Variants in RNF214 observed in about 807,000 individuals in gnomAD.
The protein encoded by RNF214 is ring finger protein 214.
In RNF214, 25 loss-of-function variants were observed where a neutral mutation model predicts 75.9. The ratio of observed to expected loss-of-function variants is 0.33; its 90% CI spans 0.24 to 0.46. RNF214 has a LOEUF of 0.46. Ranked by LOEUF, RNF214 falls within the 20% of genes least tolerant of loss-of-function variation. RNF214 has a pLI of 1.00. For synonymous variants in RNF214, 314 were observed against 308.8 expected, an observed-to-expected ratio of 1.02 and a Z score of -0.18; for missense variants, 725 against 857.5, an observed-to-expected ratio of 0.85 and a Z score of 1.93.
intron 6 of RNF214, among the ~76,000 whole-genome samples, chr11:117,250,609 A>ATTAT (rs202067736): frequency 6.3e-5 from 4 of 63,174 alleles, no homozygotes; most frequent in African/African-American, 2.0e-4. Flanking sequence ...TTATTTATTT[A>ATTAT]TTTTTTTTTT....
chr11:117,237,118 C>T (rs1378092523), intron 2 of RNF214, among the ~76,000 whole-genome samples: 2 of 152,228 alleles, frequency 1.3e-5, no homozygotes, highest in Non-Finnish European at 2.9e-5. Flanking sequence ...CTCCATCTGT[C>T]ATCCAGGCTG....
chr11:117,262,988 A>T (rs2033703467), intron 6 of RNF214, among the ~76,000 whole-genome samples: 1 of 151,452 alleles, frequency 6.6e-6, no homozygotes, highest in African/African-American at 2.4e-5. Flanking sequence ...TGTATTTTTC[A>T]TAGAGACGGA....
At chr11:117,266,553 G>T (rs1282917521) in intron 6 of RNF214, among the ~76,000 whole-genome samples, 1 of 151,930 alleles carries the variant, frequency 6.6e-6, no homozygotes, top group African/African-American at 2.4e-5. Flanking sequence ...AGAGACAGGG[G>T]TTTGCCATGT....
chr11:117,281,455 A>G (rs1237517905), intron 9 of RNF214, 51 bp downstream of exon 9: 3 of 1,483,860 alleles, frequency 2.0e-6, no homozygotes, highest in Non-Finnish European at 1.9e-6. Context: ...TGTGCTTAAC[A>G]CTTCCAGCAA....
intron 3 of RNF214, 111 bp downstream of exon 3, chr11:117,239,222 GT>G (rs1297568919): frequency 5.6e-5 from 65 of 1,157,136 alleles, no homozygotes; most frequent in Non-Finnish European, 6.7e-5. Context: ...TTTGTTTTTT[GT>G]TTTTTTTGCT....
At position 117,279,952 on chromosome 11, in the gene RNF214, G is replaced by A; in HGVS notation, c.1004G>A (p.Gly335Asp). 1 of 1,613,642 alleles carries A rather than the reference G, an allele frequency of 6.2e-7. No homozygotes were observed. Among genetic ancestry groups the A allele is most frequent in the Non-Finnish European group, 8.5e-7 (1 of 1,179,860 alleles). ...CTGGATAGACTCAAGAATCAGGATGGCGAAATAAATAGGAACATTATGGAA... is the reference window on the plus strand; with the variant it reads ...CTGGATAGACTCAAGAATCAGGATGACGAAATAAATAGGAACATTATGGAA... The part of the protein sequence containing the change: ...MELDRLKNQD[G>D]EINRNIMEET... Residue 335 changes from glycine (G) to aspartate (D), a missense_variant, in exon 7 of 15, where the codon GGC becomes GAC. Coordinates refer to ENST00000300650, the MANE Select transcript of RNF214 (RefSeq NM_207343.4).
intron 6 of RNF214, among the ~76,000 whole-genome samples, chr11:117,262,160 C>T (rs1403917253): frequency 2.0e-5 from 3 of 151,450 alleles, no homozygotes; most frequent in Non-Finnish European, 4.4e-5. Context: ...AGCTCTGCCT[C>T]CCTGCAAGCT....
At chr11:117,248,578 A>G (rs2033290522) in intron 6 of RNF214, among the ~76,000 whole-genome samples, 1 of 152,234 alleles carries the variant, frequency 6.6e-6, no homozygotes, top group African/African-American at 2.4e-5. Flanking sequence ...GAAGCTCAAC[A>G]TGAGGAATTG....
intron 2 of RNF214, among the ~76,000 whole-genome samples, chr11:117,236,225 T>G (rs1451511613): frequency 6.6e-6 from 1 of 152,032 alleles, no homozygotes; most frequent in Non-Finnish European, 1.5e-5. Context: ...CCTCCCAAAG[T>G]GCTGGAATTA....
chr11:117,282,256 C>T lies in RNF214; in HGVS notation c.1698C>T (p.Phe566=). 1.9e-6 allele frequency: 3 copies of T among 1,594,906 alleles called. No individual in the cohort carries two copies. Among genetic ancestry groups the T allele is most frequent in the Non-Finnish European group, 2.6e-6 (3 of 1,169,892 alleles). ...TCCTGGAGAAGCTGCTGACCCGGTT[C>T]CCACAGTGCAATAAGTAAGTACCTT... ...EKILEKLLTR[F]PQCNKAQMTN... Residue 566 remains phenylalanine, a synonymous_variant, in exon 11 of 15, where the codon TTC becomes TTT. Coordinates refer to ENST00000300650, the MANE Select transcript of RNF214 (RefSeq NM_207343.4).
intron 4 of RNF214, among the ~76,000 whole-genome samples, chr11:117,241,153 C>G (rs1434452305): frequency 2.6e-5 from 4 of 152,052 alleles, no homozygotes; most frequent in Non-Finnish European, 5.9e-5. Context: ...GCACTCCAGC[C>G]TGGGTGACAG....
At chr11:117,253,278 A>G (rs1281618346) in intron 6 of RNF214, among the ~76,000 whole-genome samples, 2 of 152,346 alleles carry the variant, frequency 1.3e-5, no homozygotes, top group East Asian at 1.9e-4. Context: ...ACAGGCGTGA[A>G]CCACTGTGCC....
At chr11:117,258,507 C>G (rs1039923038) in intron 6 of RNF214, among the ~76,000 whole-genome samples, 2 of 152,022 alleles carry the variant, frequency 1.3e-5, no homozygotes, top group Non-Finnish European at 2.9e-5. Context: ...AACATATATA[C>G]ATGTACATAA....
intron 6 of RNF214, among the ~76,000 whole-genome samples, chr11:117,257,593 A>G (rs2033554419): frequency 6.6e-6 from 1 of 152,240 alleles, no homozygotes; most frequent in Non-Finnish European, 1.5e-5. Context: ...TTGACAACAT[A>G]GAGACGATAG....
chr11:117,280,311 G>GTTTA, intron 8 of RNF214, 52 bp downstream of exon 8: 1 of 1,299,666 alleles, frequency 7.7e-7, no homozygotes, highest in East Asian at 2.3e-5. Flanking sequence ...TTGTTTGTTT[G>GTTTA]TTTGTTTAGG....
intron 4 of RNF214, among the ~76,000 whole-genome samples, chr11:117,241,197 C>A (rs12274203): frequency 0.1 from 15,174 of 151,000 alleles, 1,017 homozygotes; most frequent in African/African-American, 0.18. Context: ...CAAACAACAA[C>A]AAAAAAACAA....
chr11:117,244,989 G>A (rs572760947), intron 5 of RNF214, among the ~76,000 whole-genome samples: 39 of 151,158 alleles, frequency 2.6e-4, no homozygotes, highest in Non-Finnish European at 5.0e-4. Context: ...ATCCATGCCC[G>A]GCTCAAACTT....
In RNF214 at chr11:117,281,356, G is replaced by A. The variant is rs1256635666; in HGVS notation, c.1188G>A (p.Glu396=). Reference sequence around the variant, plus strand: ...TGGAGACAGTTCGTTCCAAACAGGAGTGGGAGACGAGACTGAATGGAGTTC... The same window carrying A: ...TGGAGACAGTTCGTTCCAAACAGGAATGGGAGACGAGACTGAATGGAGTTC... ...PTLETVRSKQ[E]WETRLNGVRI... The change falls in exon 9 of 15, where the codon GAG becomes GAA. Residue 396 remains glutamate (E), a synonymous_variant. Coordinates refer to ENST00000300650, the MANE Select transcript of RNF214 (RefSeq NM_207343.4). 3.1e-6 allele frequency: 5 copies of A among 1,613,682 alleles called. No homozygotes were observed. The East Asian group carries it at 6.7e-5, about 22-fold the overall frequency.
chr11:117,275,099 G>A (rs492151), intron 6 of RNF214, among the ~76,000 whole-genome samples: 108,906 of 152,102 alleles, frequency 0.72, 40,486 homozygotes, highest in East Asian at 0.95. Flanking sequence ...CTAGAAATCA[G>A]TTTGAAGAGG....
Sources: allele counts gnomAD v4.1 joint callset (sites outside exome capture counted in the v4.1 genomes callset), GRCh38; gene constraint gnomAD v4.1.1; transcripts MANE v1.5; gene names NCBI Gene and HGNC (gene_info 2026-07-23, HGNC 2026-07-21).